The following ENAH variants were observed in gnomAD, a reference collection of about 807,000 sequenced individuals.
The protein encoded by ENAH is protein enabled homolog.
In ENAH, 23 loss-of-function variants were observed where a neutral mutation model predicts 78.7. The ratio of observed to expected loss-of-function variants is 0.29; its 90% CI spans 0.21 to 0.41. The LOEUF (loss-of-function observed/expected upper bound fraction) is 0.41. ENAH is among the 10% of genes least tolerant of loss of function. The probability of loss-of-function intolerance (pLI) is 1.00; values close to 1 mark genes in which losing one functional copy is unlikely to be tolerated. For missense variants in ENAH, 544 were observed against 691.0 expected (o/e 0.79, Z 2.39); for synonymous variants, 226 against 241.0 (o/e 0.94, Z 0.58).
At chr1:225,616,307 ACCC>A in intron 1 of ENAH, among the ~76,000 whole-genome samples, 1 of 150,526 alleles carries the variant, frequency 6.6e-6, no homozygotes, top group African/African-American at 2.4e-5. Flanking sequence ...TCCGAGAAAC[ACCC>A]AAGAATGATC....
rs1431436148 is a variant in ENAH, at chr1:225,494,675, C to CT, written c.*3099dup. On this transcript the variant is annotated 3_prime_UTR_variant, in exon 14 of 14. Coordinates refer to ENST00000366843, the MANE Select transcript of ENAH (RefSeq NM_018212.6). ...TTAGTATTCACGACTTCTATGAAAT[C>CT]TGTAAAGAATAGTGACGTGACATGT... The CT allele has an allele frequency of 6.6e-6, 1 of 152,142 alleles. No homozygotes were observed. The highest frequency in any genetic ancestry group is 2.4e-5 in the African/African-American group (1 of 41,436). The allele number at this position is 152,142 out of a possible 1,614,324, so 9.4% of individuals were successfully genotyped here.
At chr1:225,595,131 G>A (rs1225018110) in intron 1 of ENAH, among the ~76,000 whole-genome samples, 2 of 152,040 alleles carry the variant, frequency 1.3e-5, no homozygotes, top group Non-Finnish European at 2.9e-5. Flanking sequence ...TCAGGAGTTC[G>A]AGACCAGCCT....
At chr1:225,541,470 G>A (rs2096588445) in intron 3 of ENAH, among the ~76,000 whole-genome samples, 1 of 151,882 alleles carries the variant, frequency 6.6e-6, no homozygotes. Context: ...TTCTAAAATT[G>A]TGGCAAAGGT....
chr1:225,600,470 T>C lies in ENAH; in HGVS notation c.6-33056A>G, dbSNP rs1309771700. ...TGTTAGGTTGGTGCAGAAGTAATTG[T>C]GGTTTTGCCACATTTAATGGCAAAA... is the stretch of plus-strand genomic sequence containing the variant. On this transcript the variant is annotated intron_variant, in intron 1 of 13. Coordinates refer to ENST00000366843, the MANE Select transcript of ENAH (RefSeq NM_018212.6). 2.0e-5 allele frequency among the ~76,000 whole-genome samples: 3 copies of C among 152,214 alleles called. No individual in the cohort carries two copies. In the South Asian group the frequency reaches 6.2e-4, roughly 31 times the overall value.
At chr1:225,597,742 C>CA (rs1391598090) in intron 1 of ENAH, among the ~76,000 whole-genome samples, 1 of 146,812 alleles carries the variant, frequency 6.8e-6, no homozygotes, top group Non-Finnish European at 1.5e-5. Context: ...GCCAGAAAAA[C>CA]AAAAAAGAGT....
At chr1:225,535,694 C>T in intron 3 of ENAH, 4 of 285,834 alleles carry the variant, frequency 1.4e-5, no homozygotes, top group Non-Finnish European at 2.8e-5. Flanking sequence ...GATCCTCATC[C>T]TGGAAGCTCT....
intron 1 of ENAH, among the ~76,000 whole-genome samples, chr1:225,643,224 T>C (rs1254550392): frequency 6.6e-6 from 1 of 152,098 alleles, no homozygotes; most frequent in Non-Finnish European, 1.5e-5. Flanking sequence ...TTTAAGAGTA[T>C]TCTGAGTGAT....
chr1:225,620,631 A>G (rs967217095), intron 1 of ENAH, among the ~76,000 whole-genome samples: 3 of 152,176 alleles, frequency 2.0e-5, no homozygotes, highest in Non-Finnish European at 4.4e-5. Context: ...TGGAGCCTCA[A>G]TCTCAGCCTG....
In ENAH at chr1:225,530,711, G is replaced by A; in HGVS notation, c.350-73C>T. ...CTGGACAGAGGAGATAAAATCATGA[G>A]AATAACATAAAACCATCACATATTT... On this transcript the variant is annotated intron_variant, in intron 3 of 13. Transcript: ENST00000366843. The A allele has an allele frequency of 2.6e-6, 3 of 1,170,392 alleles. 1 individual carries two copies. Among genetic ancestry groups the A allele is most frequent in the Admixed American group, 3.8e-5 (2 of 52,194 alleles). 72.5% of individuals were successfully genotyped at this position (1,170,392 alleles called of 1,614,324 possible). A position where few individuals can be genotyped will look rare whatever the true frequency, so the allele number is the denominator to read the frequency against.
At chr1:225,627,417 T>C (rs1412794844) in intron 1 of ENAH, among the ~76,000 whole-genome samples, 2 of 151,832 alleles carry the variant, frequency 1.3e-5, no homozygotes, top group African/African-American at 4.8e-5. Flanking sequence ...GGAAGACTGA[T>C]GGGGAGAAGA....
chr1:225,529,094 A>G (rs532686462), intron 4 of ENAH, among the ~76,000 whole-genome samples: 21 of 152,326 alleles, frequency 1.4e-4, no homozygotes, highest in Admixed American at 3.9e-4. Context: ...TCGTCTCTCA[A>G]TAGTGTAGGC....
chr1:225,644,723 A>G (rs1661644234), intron 1 of ENAH, among the ~76,000 whole-genome samples: 1 of 152,206 alleles, frequency 6.6e-6, no homozygotes, highest in Admixed American at 6.5e-5. Flanking sequence ...AGTTAAAGGT[A>G]GTCATTTTGA....
intron 1 of ENAH, among the ~76,000 whole-genome samples, chr1:225,601,445 G>C (rs946204853): frequency 2.0e-5 from 3 of 151,780 alleles, no homozygotes; most frequent in African/African-American, 7.3e-5. Context: ...GTGAACCTGG[G>C]AGGCGGGGCT....
At chr1:225,524,182 T>C (rs2096489259) in intron 4 of ENAH, among the ~76,000 whole-genome samples, 2 of 152,282 alleles carry the variant, frequency 1.3e-5, no homozygotes, top group African/African-American at 4.8e-5. Context: ...TGTAAATAGA[T>C]GCACAAAGCA....
chr1:225,591,730 A>G (rs1248150142), intron 1 of ENAH, among the ~76,000 whole-genome samples: 1 of 135,184 alleles, frequency 7.4e-6, no homozygotes, highest in Admixed American at 8.9e-5. Flanking sequence ...GCGTCACTGC[A>G]CTCCAGCCTG....
At chr1:225,613,847 G>A (rs2097006720) in intron 1 of ENAH, among the ~76,000 whole-genome samples, 1 of 152,094 alleles carries the variant, frequency 6.6e-6, no homozygotes, top group Admixed American at 6.6e-5. Flanking sequence ...GACACTATGT[G>A]GAAATAACAT....
At chr1:225,535,422 T>C (rs1432949530) in intron 3 of ENAH, 57 of 806,404 alleles carry the variant, frequency 7.1e-5, no homozygotes, top group Non-Finnish European at 9.3e-5. Flanking sequence ...AACCAGACTA[T>C]GGCCTAAGAA....
At chr1:225,553,505 A>G (rs1011765585) in intron 3 of ENAH, among the ~76,000 whole-genome samples, 6 of 152,140 alleles carry the variant, frequency 3.9e-5, no homozygotes, top group Non-Finnish European at 8.8e-5. Context: ...GGATAGTCAA[A>G]TGTCTACTCT....
chr1:225,540,715 AAAG>A (rs1482145940), intron 3 of ENAH, among the ~76,000 whole-genome samples: 2 of 151,662 alleles, frequency 1.3e-5, no homozygotes, highest in African/African-American at 4.8e-5. Flanking sequence ...AAAAAAAACT[AAAG>A]AATCTGAGGA....
Sources: gnomAD v4.1 joint callset for allele counts (sites outside exome capture counted in the v4.1 genomes callset) on GRCh38, gnomAD v4.1.1 for gene constraint, MANE v1.5 for transcripts, NCBI Gene and HGNC (gene_info 2026-07-23, HGNC 2026-07-21) for gene names.